Variants in ALMS1 observed in about 807,000 individuals in gnomAD.
ALMS1 encodes centrosome-associated protein ALMS1.
ALMS1 carries 271 observed loss-of-function variants against 352.2 expected under a neutral mutation model. That is an observed-to-expected ratio of 0.77 (90% CI 0.70 to 0.85). The LOEUF (loss-of-function observed/expected upper bound fraction) is 0.85, where lower values mean the gene tolerates loss of function less well. Ranked by LOEUF, ALMS1 falls within the 40% of genes least tolerant of loss-of-function variation. The pLI is 0.00. For missense variants in ALMS1, 5,445 were observed against 4,870.7 expected (o/e 1.12, Z -3.51); for synonymous variants, 1,865 against 1,761.2 (o/e 1.06, Z -1.48).
At chr2:73,478,585 C>A (rs2103858879) in intron 9 of ALMS1, among the ~76,000 whole-genome samples, 1 of 151,538 alleles carries the variant, frequency 6.6e-6, no homozygotes, top group South Asian at 2.1e-4. Context: ...ATTTTTTTTG[C>A]CCAAATAAAA....
intron 9 of ALMS1, among the ~76,000 whole-genome samples, chr2:73,477,577 A>T (rs995195633): frequency 2.0e-5 from 3 of 151,960 alleles, no homozygotes; most frequent in Non-Finnish European, 2.9e-5. Context: ...GAATCTCTAG[A>T]TTAGTTTAGG....
intron 9 of ALMS1, among the ~76,000 whole-genome samples, chr2:73,459,721 C>G (rs1188794496): frequency 2.6e-5 from 4 of 152,188 alleles, no homozygotes; most frequent in Non-Finnish European, 5.9e-5. Context: ...CATTCACCCA[C>G]TTTCTGAGCT....
intron 7 of ALMS1, among the ~76,000 whole-genome samples, chr2:73,446,983 C>A (rs1469985780): frequency 6.6e-6 from 1 of 152,178 alleles, no homozygotes; most frequent in East Asian, 1.9e-4. Context: ...TCTGACACAT[C>A]ATATGTTTTA....
At chr2:73,495,389 C>G (rs987047939) in intron 10 of ALMS1, among the ~76,000 whole-genome samples, 3 of 152,084 alleles carry the variant, frequency 2.0e-5, no homozygotes, top group African/African-American at 7.2e-5. Context: ...TCTGCACCAC[C>G]AAACCCAGCT....
chr2:73,445,311 G>A (rs1256580282), intron 7 of ALMS1, among the ~76,000 whole-genome samples: 5 of 151,936 alleles, frequency 3.3e-5, no homozygotes, highest in African/African-American at 4.8e-5. Flanking sequence ...TGTAGTCACC[G>A]TATTGTACTA....
intron 3 of ALMS1, among the ~76,000 whole-genome samples, chr2:73,421,440 G>A (rs374725987): frequency 3.3e-5 from 5 of 152,094 alleles, no homozygotes; most frequent in African/African-American, 1.2e-4. Context: ...GTTTTAGAGG[G>A]GTGAAGGACT....
chr2:73,490,234 A>C lies in ALMS1; in HGVS notation c.8275A>C (p.Asn2759His). The C allele has an allele frequency of 6.2e-7, 1 of 1,614,148 alleles. No homozygotes were observed. The highest frequency in any genetic ancestry group is 8.5e-7 in the Non-Finnish European group (1 of 1,180,032). Residue 2759 changes from asparagine (N) to histidine (H), a missense_variant, in exon 10 of 23, where the codon AAT becomes CAT. By Grantham distance (68) the Asn-to-His change is moderately conservative. Coordinates refer to ENST00000613296, the MANE Select transcript of ALMS1 (RefSeq NM_001378454.1). ...VFNSHFTEEQ[N>H]PPRDLKQKTS... is the part of the protein sequence containing the mutation. The stretch of plus-strand genomic sequence containing the variant: ...TAATTCTCATTTCACTGAAGAACAA[A>C]ATCCTCCCAGAGATCTTAAACAGAA...
chr2:73,401,285 A>C (rs1277978317), intron 1 of ALMS1, among the ~76,000 whole-genome samples: 1 of 152,020 alleles, frequency 6.6e-6, no homozygotes, highest in African/African-American at 2.4e-5. Context: ...AATATGATTT[A>C]TTCTTCTTTT....
At chr2:73,387,702 A>G (rs1046348583) in intron 1 of ALMS1, among the ~76,000 whole-genome samples, 1 of 152,162 alleles carries the variant, frequency 6.6e-6, no homozygotes, top group Non-Finnish European at 1.5e-5. Flanking sequence ...GGGATGTATG[A>G]TAAGTTAGGT....
At chr2:73,417,504 T>C (rs1223638795) in intron 2 of ALMS1, among the ~76,000 whole-genome samples, 1 of 152,208 alleles carries the variant, frequency 6.6e-6, no homozygotes, top group East Asian at 1.9e-4. Flanking sequence ...TGTTAAAGAA[T>C]ATGCTAGCAA....
chr2:73,479,577 A>G (rs1232918006), intron 9 of ALMS1, among the ~76,000 whole-genome samples: 3 of 152,138 alleles, frequency 2.0e-5, no homozygotes, highest in Admixed American at 6.6e-5. Flanking sequence ...TTATTGATGT[A>G]TAGTATTCCA....
intron 1 of ALMS1, among the ~76,000 whole-genome samples, chr2:73,388,767 C>T (rs773147339): frequency 6.6e-4 from 100 of 152,012 alleles, no homozygotes; most frequent in Non-Finnish European, 1.2e-3. Flanking sequence ...CTATTGTGAA[C>T]GGTGCTGTGA....
At chr2:73,489,350 G>C (rs1247917406) in intron 9 of ALMS1, among the ~76,000 whole-genome samples, 1 of 152,170 alleles carries the variant, frequency 6.6e-6, no homozygotes, top group Non-Finnish European at 1.5e-5. Context: ...TTAAAAGAAA[G>C]GTGAGAATAC....
At chr2:73,513,039 A>G (rs995320936) in intron 10 of ALMS1, among the ~76,000 whole-genome samples, 1 of 152,090 alleles carries the variant, frequency 6.6e-6, no homozygotes, top group Non-Finnish European at 1.5e-5. Flanking sequence ...TGTAACTTTC[A>G]TATCTAATAG....
rs748624161 is a variant in ALMS1, at chr2:73,602,345, G to A, written c.12275G>A (p.Arg4092His). The change falls in exon 20 of 23, where the codon CGC (arginine) becomes CAC (histidine). Residue 4092 changes from arginine (R) to histidine (H), a missense_variant. Arg to His is a conservative substitution (Grantham distance 29). Coordinates refer to ENST00000613296, the MANE Select transcript of ALMS1 (RefSeq NM_001378454.1). Reference protein sequence around the residue: ...IDRERQGHQNRMCPLPKRVFL... With the variant: ...IDRERQGHQNHMCPLPKRVFL... ...AGGGAACGGCAGGGCCACCAGAATCGCATGTGCCCGCTGCCCAAGAGAGGT... is the reference window on the plus strand; with the variant it reads ...AGGGAACGGCAGGGCCACCAGAATCACATGTGCCCGCTGCCCAAGAGAGGT... 64 of 1,614,140 alleles carry A rather than the reference G, an allele frequency of 4.0e-5. No individual in the cohort carries two copies. Among genetic ancestry groups the A allele is most frequent in the Middle Eastern group, 1.6e-4 (1 of 6,062 alleles).
intron 12 of ALMS1, among the ~76,000 whole-genome samples, chr2:73,540,256 A>T (rs1487417663): frequency 6.6e-6 from 1 of 152,218 alleles, no homozygotes; most frequent in Non-Finnish European, 1.5e-5. Flanking sequence ...AGAATTTCAT[A>T]TCCAGCCAAA....
rs1284668495 is a variant in ALMS1 at position 73,451,844 on chromosome 2, T to A, written c.5317T>A (p.Leu1773Met). 1 of 1,613,260 alleles carries A rather than the reference T, an allele frequency of 6.2e-7. No individual in the cohort carries two copies. Among genetic ancestry groups the A allele is most frequent in the Non-Finnish European group, 8.5e-7 (1 of 1,179,782 alleles). Residue 1773 changes from leucine to methionine, a missense_variant, in exon 8 of 23, where the codon TTG (leucine) becomes ATG (methionine). Physicochemically the swap from Leu to Met is conservative, Grantham distance 15. Transcript: ENST00000613296. ...EKPNISYQQE[L>M]PDSHLTEEAL... ...GCCTAATATTTCTTACCAGCAAGAG[T>A]TGCCAGATAGTCATCTAACTGAAGA... is the stretch of plus-strand genomic sequence containing the variant.
At chr2:73,595,115 T>C (rs767795799) in intron 16 of ALMS1, among the ~76,000 whole-genome samples, 1 of 152,232 alleles carries the variant, frequency 6.6e-6, no homozygotes, top group African/African-American at 2.4e-5. Context: ...TACAACCACA[T>C]GATACAAAAT....
At chr2:73,414,473 G>GTTTTTTTTTTTTTTTT (rs61660489) in intron 2 of ALMS1, among the ~76,000 whole-genome samples, 1 of 66,414 alleles carries the variant, frequency 1.5e-5, no homozygotes, top group Admixed American at 2.0e-4. Flanking sequence ...CTTTTTTTCC[G>GTTTTTTTTTTTTTTTT]TTTTTTTTTT....
Sources: allele counts gnomAD v4.1 joint callset (sites outside exome capture counted in the v4.1 genomes callset), GRCh38; gene constraint gnomAD v4.1.1; transcripts MANE v1.5; gene names NCBI Gene and HGNC (gene_info 2026-07-23, HGNC 2026-07-21).